Variants in ASB11 observed in about 807,000 individuals in gnomAD.
ASB11 encodes ankyrin repeat and SOCS box protein 11.
ASB11 carries 17 observed loss-of-function variants against 20.1 expected under a neutral mutation model. The observed-to-expected ratio is 0.85, with a 90% confidence interval of 0.58 to 1.27. ASB11 has a LOEUF of 1.27. ASB11 is among the 50% of genes most tolerant of loss of function. The probability of loss-of-function intolerance (pLI) is 0.00; values close to 1 mark genes in which losing one functional copy is unlikely to be tolerated. For synonymous variants in ASB11, 107 were observed against 105.6 expected (o/e 1.01, Z -0.08); for missense variants, 259 against 256.9 (o/e 1.01, Z -0.06).
At chrX:15,301,421 C>G (rs1471007235) in intron 2 of ASB11, among the ~76,000 whole-genome samples, 1 of 111,766 alleles carries the variant, frequency 8.9e-6, no homozygotes, top group Non-Finnish European at 1.9e-5. Context: ...GTGCTGATTT[C>G]CATTTACCTC....
In ASB11 at chrX:15,296,533, T is replaced by C. The variant is rs1313719222; in HGVS notation, c.369+1041A>G. Among the ~76,000 whole-genome samples the C allele has an allele frequency of 9.8e-5, 11 of 111,953 alleles. No individual in the cohort carries two copies. In the East Asian group the frequency reaches 2.5e-3, roughly 26 times the overall value. The stretch of plus-strand genomic sequence containing the variant: ...AGAAGTTGTGATTTTATGATTCTAT[T>C]CTGATATCTGTATTATATATTGCAC... On this transcript the variant is annotated intron_variant, in intron 3 of 6. Coordinates refer to ENST00000480796, the MANE Select transcript of ASB11 (RefSeq NM_080873.3).
intron 6 of ASB11, among the ~76,000 whole-genome samples, 181 bp downstream of exon 6, chrX:15,287,700 A>G (rs1187397879): frequency 8.9e-6 from 1 of 112,920 alleles, no homozygotes; most frequent in Admixed American, 9.4e-5. Flanking sequence ...TTTGGTTGTT[A>G]GTGAATATAC....
intron 6 of ASB11, among the ~76,000 whole-genome samples, chrX:15,285,846 A>G (rs996426127): frequency 9.1e-6 from 1 of 110,204 alleles, no homozygotes; most frequent in African/African-American, 3.3e-5. Context: ...TCTACTAAAA[A>G]TACAAAAAAT....
chrX:15,297,076 A>C (rs1262339874), intron 3 of ASB11, among the ~76,000 whole-genome samples: 4 of 112,132 alleles, frequency 3.6e-5, no homozygotes, highest in African/African-American at 9.7e-5. Context: ...GGTGGATCAC[A>C]AGGTCAGGAG....
At chrX:15,292,495 G>A (rs1330822028) in intron 4 of ASB11, among the ~76,000 whole-genome samples, 1 of 111,771 alleles carries the variant, frequency 8.9e-6, no homozygotes, top group Non-Finnish European at 1.9e-5. Context: ...GGTCTAGTCT[G>A]TACATACAGT....
At chrX:15,289,822 G>C in intron 4 of ASB11, 184 bp from the exon 5 acceptor site, 1 of 377,022 alleles carries the variant, frequency 2.7e-6, no homozygotes, top group Non-Finnish European at 4.5e-6. Flanking sequence ...TCAGGAGTTC[G>C]AGACCAGCCT....
intron 1 of ASB11, among the ~76,000 whole-genome samples, chrX:15,307,546 G>A (rs1157356762): frequency 8.9e-6 from 1 of 112,249 alleles, no homozygotes; most frequent in Non-Finnish European, 1.9e-5. Context: ...GACAGAAGGC[G>A]GAGCTCAAGC....
intron 1 of ASB11, chrX:15,314,264 T>G: frequency 9.8e-7 from 1 of 1,022,711 alleles, no homozygotes; most frequent in Non-Finnish European, 1.3e-6. Flanking sequence ...TTGCCCAAAT[T>G]GACAAATTAA....
chrX:15,307,412 C>T (rs1427328916), intron 1 of ASB11, among the ~76,000 whole-genome samples: 1 of 112,398 alleles, frequency 8.9e-6, no homozygotes, highest in Non-Finnish European at 1.9e-5. Flanking sequence ...TTCAGGATGA[C>T]ACTGTACCAC....
At chrX:15,314,329 CTT>C (rs201659261) in intron 1 of ASB11, 24,452 of 877,487 alleles carry the variant, frequency 0.028, 3 homozygotes, top group South Asian at 0.039. Flanking sequence ...AGAAGCATTA[CTT>C]TTTTTTTTTT....
chrX:15,314,661 C>A, intron 1 of ASB11: 1 of 619,155 alleles, frequency 1.6e-6, no homozygotes, highest in Non-Finnish European at 2.1e-6. Context: ...CCCCTGCAAA[C>A]ACTAAAAATA....
At position 15,283,365 on chromosome X, in the gene ASB11, T is replaced by G; in HGVS notation, c.*140A>C. 1.2e-6 allele frequency: 1 copy of G among 863,072 alleles called. No homozygotes were observed. 71.1% of individuals were successfully genotyped at this position (863,072 alleles called of 1,213,427 possible). A position where few individuals can be genotyped will look rare whatever the true frequency, so the allele number is the denominator to read the frequency against. On this transcript the variant is annotated 3_prime_UTR_variant, in exon 7 of 7. Coordinates refer to ENST00000480796, the MANE Select transcript of ASB11 (RefSeq NM_080873.3). ...AGGAGTTTCCACTCCTCAAGTGTTC[T>G]AGCTCATGGGGGATTTACTTCGACT...
At chrX:15,309,988 A>AAAAAAAAAAAAAAT (rs1921377814) in intron 1 of ASB11, among the ~76,000 whole-genome samples, 1 of 104,524 alleles carries the variant, frequency 9.6e-6, no homozygotes, top group African/African-American at 3.5e-5. Flanking sequence ...AAAAAAAAAA[A>AAAAAAAAAAAAAAT]AAAGTAGAAG....
Position 15,308,989 on chromosome X carries a change from T to C in ASB11, c.182-6182A>G, listed in dbSNP as rs138186480. Among the ~76,000 whole-genome samples, 511 of 111,549 alleles carry C rather than the reference T, an allele frequency of 4.6e-3. 5 individuals are homozygous for C. Among genetic ancestry groups the C allele is most frequent in the African/African-American group, 0.016 (487 of 30,729 alleles). ...TGGAGTGCAGTGGTGCAATCTCAGC[T>C]TACTGCAACCTCTGCCTCCCAGGTT... is the stretch of plus-strand genomic sequence containing the variant. On this transcript the variant is annotated intron_variant, in intron 1 of 6. Transcript: ENST00000480796.
chrX:15,284,657 C>T (rs1480829113), intron 6 of ASB11, among the ~76,000 whole-genome samples: 1 of 111,734 alleles, frequency 8.9e-6, no homozygotes, highest in East Asian at 2.8e-4. Context: ...ATCATCATGC[C>T]CATGGCTTTG....
At chrX:15,293,431 T>C (rs776616184) in intron 3 of ASB11, 111 bp from the exon 4 acceptor site, 1 of 875,932 alleles carries the variant, frequency 1.1e-6, no homozygotes, top group Admixed American at 3.2e-5. Context: ...GGTGAATAAG[T>C]GAGGGAACTC....
At chrX:15,296,132 C>T (rs767959988) in intron 3 of ASB11, among the ~76,000 whole-genome samples, 6 of 111,118 alleles carry the variant, frequency 5.4e-5, no homozygotes, top group Non-Finnish European at 1.1e-4. Context: ...ACCTGTAATC[C>T]CAGTTACTCA....
intron 1 of ASB11, among the ~76,000 whole-genome samples, chrX:15,311,265 TA>T (rs923195480): frequency 8.9e-6 from 1 of 112,505 alleles, no homozygotes; most frequent in African/African-American, 3.2e-5. Flanking sequence ...CACAATTAAC[TA>T]TGTTGCAGTG....
chrX:15,297,489 TA>T, intron 3 of ASB11, 84 bp downstream of exon 3: 1 of 823,441 alleles, frequency 1.2e-6, no homozygotes, highest in Non-Finnish European at 1.7e-6. Flanking sequence ...CCACAGTGGG[TA>T]AGCCATCTGG....
Sources: gnomAD v4.1 joint callset for allele counts (sites outside exome capture counted in the v4.1 genomes callset) on GRCh38, gnomAD v4.1.1 for gene constraint, MANE v1.5 for transcripts, NCBI Gene and HGNC (gene_info 2026-07-23, HGNC 2026-07-21) for gene names.